The following CEP295 variants were observed in gnomAD, a reference collection of about 807,000 sequenced individuals.
The protein encoded by CEP295 is centrosomal protein 295.
A neutral mutation model predicts 291.6 loss-of-function variants in CEP295; 190 were observed. The observed-to-expected ratio is 0.65, with a 90% CI of 0.58 to 0.73. The LOEUF (loss-of-function observed/expected upper bound fraction) is 0.73, where lower values mean the gene tolerates loss of function less well. CEP295 is among the 30% of genes least tolerant of loss of function. The probability of loss-of-function intolerance (pLI) is 0.00; values close to 1 mark genes in which losing one functional copy is unlikely to be tolerated. For missense variants in CEP295, 2,863 were observed against 2,949.4 expected, an observed-to-expected ratio of 0.97 and a Z score of 0.68; for synonymous variants, 993 against 1,038.8, an observed-to-expected ratio of 0.96 and a Z score of 0.85.
At chr11:93,684,574 A>G (rs1269677846) in intron 9 of CEP295, among the ~76,000 whole-genome samples, 1 of 152,200 alleles carries the variant, frequency 6.6e-6, no homozygotes, top group Non-Finnish European at 1.5e-5. Context: ...CCCGTGGAAC[A>G]TGAGCCATAC....
chr11:93,702,942 C>T, intron 17 of CEP295, 23 bp downstream of exon 17: 2 of 1,516,110 alleles, frequency 1.3e-6, no homozygotes, highest in South Asian at 1.3e-5. Context: ...TTTGATAAAA[C>T]AAGATTTTTA....
intron 12 of CEP295, 72 bp from the exon 13 acceptor site, chr11:93,695,425 A>G: frequency 9.6e-7 from 1 of 1,042,030 alleles, no homozygotes; most frequent in Non-Finnish European, 1.3e-6. Flanking sequence ...AATTTCTTTT[A>G]AATGGAACGT....
chr11:93,699,188 A>G lies in CEP295; in HGVS notation c.4276A>G (p.Asn1426Asp), dbSNP rs1046158581. 6.4e-7 allele frequency: 1 copy of G among 1,551,948 alleles called. No homozygotes were observed. The highest frequency in any genetic ancestry group is 8.7e-7 in the Non-Finnish European group (1 of 1,147,042). The part of the protein sequence containing the change: ...NQEPCSINSD[N>D]IVSSGHSEIP... ...AGAACCATGTTCAATTAACAGTGAT[A>G]ATATAGTATCCTCAGGTCACTCAGA... is the stretch of plus-strand genomic sequence containing the variant. Residue 1426 changes from asparagine to aspartate, a missense_variant, in exon 15 of 30, where the codon AAT (asparagine) becomes GAT (aspartate). By Grantham distance (23) the Asn-to-Asp change is conservative. This residue lies in a region of CEP295 where 2,295 missense variants were observed against 2,335.7 expected (regional missense o/e 0.98). Transcript: ENST00000325212.
intron 5 of CEP295, 50 bp downstream of exon 5, chr11:93,669,820 A>G: frequency 1.7e-6 from 2 of 1,207,970 alleles, no homozygotes; most frequent in Middle Eastern, 1.9e-4. Context: ...CTTTACTATT[A>G]TAATTCAGTG....
intron 18 of CEP295, among the ~76,000 whole-genome samples, chr11:93,710,495 G>T (rs966094019): frequency 1.3e-5 from 2 of 152,134 alleles, no homozygotes; most frequent in Non-Finnish European, 2.9e-5. Flanking sequence ...CATAATGAAT[G>T]ATCTTTTTAA....
chr11:93,721,467 T>C (rs975814402), intron 19 of CEP295, 55 bp downstream of exon 19: 1 of 1,104,268 alleles, frequency 9.1e-7, no homozygotes, highest in East Asian at 2.4e-5. Context: ...CTTCGTATTC[T>C]CTTTTGTTTA....
chr11:93,683,471 G>T, intron 7 of CEP295, 88 bp from the exon 8 acceptor site: 1 of 929,106 alleles, frequency 1.1e-6, no homozygotes, highest in South Asian at 1.9e-5. Flanking sequence ...CTTAGACCCT[G>T]ATCCTCATTT....
chr11:93,699,821 T>A lies in CEP295; in HGVS notation c.4909T>A (p.Ser1637Thr). 6.4e-7 allele frequency: 1 copy of A among 1,552,254 alleles called. No individual in the cohort carries two copies. Reference sequence around the variant, plus strand: ...ACAAAGAAAGTTGAACAAAAGTGAATCTGCTGAGCATACTATCCCCTCTTT... The same window carrying A: ...ACAAAGAAAGTTGAACAAAAGTGAAACTGCTGAGCATACTATCCCCTCTTT... ...NKQRKLNKSE[S>T]AEHTIPSLFL... The change falls in exon 15 of 30, where the codon TCT becomes ACT. Residue 1637 changes from serine (S) to threonine (T), a missense_variant. By Grantham distance (58) the Ser-to-Thr change is moderately conservative. This residue lies in a region of CEP295 where 2,295 missense variants were observed against 2,335.7 expected (regional missense o/e 0.98). Coordinates refer to ENST00000325212, the MANE Select transcript of CEP295 (RefSeq NM_033395.2).
chr11:93,702,836 A>G lies in CEP295; in HGVS notation c.5513A>G (p.Lys1838Arg), dbSNP rs1449466975. ...RSSKPPVAKV[K>R]CGLDLNQHEL... ...TCAAAGCCACCTGTAGCAAAAGTCA[A>G]ATGTGGTTTGGACTTAAACCAGCAT... is the stretch of plus-strand genomic sequence containing the variant. The change falls in exon 17 of 30, where the codon AAA becomes AGA. Residue 1838 changes from lysine (K) to arginine (R), a missense_variant. Transcript: ENST00000325212. The G allele has an allele frequency of 1.3e-6, 2 of 1,551,894 alleles. No individual in the cohort carries two copies. The highest frequency in any genetic ancestry group is 2.4e-5 in the East Asian group (1 of 40,910).
intron 5 of CEP295, among the ~76,000 whole-genome samples, chr11:93,672,796 A>G (rs944944486): frequency 6.6e-6 from 1 of 150,466 alleles, no homozygotes; most frequent in Middle Eastern, 3.2e-3. Context: ...GACTGATTTC[A>G]CTAAAAACTT....
intron 7 of CEP295, among the ~76,000 whole-genome samples, chr11:93,681,090 C>A (rs529305729): frequency 4.5e-4 from 68 of 152,272 alleles, no homozygotes; most frequent in African/African-American, 1.6e-3. Context: ...ATAAATTGAA[C>A]AGATTCTTCC....
At chr11:93,676,491 A>G in intron 6 of CEP295, among the ~76,000 whole-genome samples, 1 of 152,022 alleles carries the variant, frequency 6.6e-6, no homozygotes, top group East Asian at 1.9e-4. Flanking sequence ...GGCATTTAGA[A>G]TGCAACAAAT....
intron 18 of CEP295, among the ~76,000 whole-genome samples, chr11:93,709,934 T>C (rs1452387240): frequency 6.6e-6 from 1 of 152,190 alleles, no homozygotes; most frequent in Non-Finnish European, 1.5e-5. Context: ...TGATTTCTTT[T>C]CAGGTGATTT....
At chr11:93,681,033 C>T (rs1414518341) in intron 7 of CEP295, among the ~76,000 whole-genome samples, 1 of 152,074 alleles carries the variant, frequency 6.6e-6, no homozygotes, top group Non-Finnish European at 1.5e-5. Context: ...AGTAATTCTC[C>T]CCATCTAAGG....
chr11:93,692,689 T>C (rs7118456), intron 12 of CEP295, among the ~76,000 whole-genome samples: 9,869 of 152,006 alleles, frequency 0.065, 473 homozygotes, highest in East Asian at 0.13. Context: ...TTAACTTCTT[T>C]AGGCTGGGCA....
intron 18 of CEP295, among the ~76,000 whole-genome samples, chr11:93,711,954 T>C (rs932506966): frequency 1.3e-5 from 2 of 152,114 alleles, no homozygotes; most frequent in Non-Finnish European, 2.9e-5. Context: ...TCTGTAAATA[T>C]CTGTTAGGTT....
chr11:93,728,625 G>GT (rs763057853), intron 24 of CEP295, 56 bp from the exon 25 acceptor site: 54 of 1,456,640 alleles, frequency 3.7e-5, no homozygotes, highest in Non-Finnish European at 4.6e-5. Flanking sequence ...AAAACGATTA[G>GT]TTTAAGTCTT....
At chr11:93,684,241 A>G (rs1255741710) in intron 9 of CEP295, 113 bp downstream of exon 9, 3 of 761,032 alleles carry the variant, frequency 3.9e-6, no homozygotes, top group African/African-American at 1.8e-5. Context: ...AATGAGTAAT[A>G]CTGATGGGAG....
chr11:93,699,129 C>T lies in CEP295; in HGVS notation c.4217C>T (p.Ala1406Val), dbSNP rs1286292034. The T allele has an allele frequency of 1.3e-6, 2 of 1,550,428 alleles. No homozygotes were observed. Among genetic ancestry groups the T allele is most frequent in the Non-Finnish European group, 1.7e-6 (2 of 1,147,052 alleles). ...SLPLVPQHSFASLPLNESERN... is the reference protein window; with the variant it reads ...SLPLVPQHSFVSLPLNESERN... Reference sequence around the variant, plus strand: ...CCCCTAGTACCACAGCATTCATTCGCCTCATTACCTCTTAATGAATCTGAA... The same window carrying T: ...CCCCTAGTACCACAGCATTCATTCGTCTCATTACCTCTTAATGAATCTGAA... The change falls in exon 15 of 30, where the codon GCC (alanine) becomes GTC (valine). Residue 1406 changes from alanine (A) to valine (V), a missense_variant. Coordinates refer to ENST00000325212, the MANE Select transcript of CEP295 (RefSeq NM_033395.2).
Sources: allele counts gnomAD v4.1 joint callset (sites outside exome capture counted in the v4.1 genomes callset), GRCh38; gene constraint gnomAD v4.1.1; regional missense constraint gnomAD v4.1.1; transcripts MANE v1.5; gene names NCBI Gene and HGNC (gene_info 2026-07-23, HGNC 2026-07-21).